Variants in IGSF1 observed in about 807,000 individuals in gnomAD.
IGSF1 encodes immunoglobulin superfamily member 1.
A neutral mutation model predicts 95.3 loss-of-function variants in IGSF1; 40 were observed. The ratio of observed to expected loss-of-function variants is 0.42; its 90% CI spans 0.33 to 0.55. The LOEUF is 0.55. Among genes scored for constraint, IGSF1 ranks in the 20% least tolerant of loss-of-function variants. The pLI is 0.10. For missense variants in IGSF1, 906 were observed against 1,025.4 expected (o/e 0.88, Z 1.59); for synonymous variants, 372 against 382.9 (o/e 0.97, Z 0.33).
intron 7 of IGSF1, 126 bp from the exon 8 acceptor site, chrX:131,282,070 C>T: frequency 1.7e-6 from 1 of 592,446 alleles, no homozygotes. Context: ...CCAGTGGCTT[C>T]AAGATTTGAC....
intron 12 of IGSF1, 39 bp downstream of exon 12, chrX:131,278,422 A>C (rs745448140): frequency 2.7e-6 from 3 of 1,109,391 alleles, no homozygotes; most frequent in Non-Finnish European, 3.6e-6. Context: ...TCCCAGGGGC[A>C]CTGGGGATAA....
At position 131,281,913 on chromosome X, in the gene IGSF1, C is replaced by T; in HGVS notation, c.1278G>A (p.Trp426Ter). Residue 426 changes from tryptophan (W) to a stop codon, truncating the protein, a stop_gained, in exon 8 of 20, where the codon TGG becomes TGA. Coordinates refer to ENST00000361420, the MANE Select transcript of IGSF1 (RefSeq NM_001555.5). LOFTEE classifies it high-confidence loss of function. ...DKPPKPSLSA[W>*]PSTVFKLGKA... is the part of the protein sequence containing the mutation. Reference sequence around the variant, plus strand: ...TTCCTAGCTTGAACACAGTGCTTGGCCAAGCTGACAGGGAGGGTTTGGGGG... The same window carrying T: ...TTCCTAGCTTGAACACAGTGCTTGGTCAAGCTGACAGGGAGGGTTTGGGGG... 1 of 1,208,449 alleles carries T rather than the reference C, an allele frequency of 8.3e-7. No individual in the cohort carries two copies. Among genetic ancestry groups the T allele is most frequent in the Non-Finnish European group, 1.1e-6 (1 of 893,239 alleles).
At chrX:131,289,110 C>T in intron 1 of IGSF1, 104 bp downstream of exon 1, 1 of 357,724 alleles carries the variant, frequency 2.8e-6, no homozygotes, top group Non-Finnish European at 5.5e-6. Context: ...TGATTTACGG[C>T]AATTAATTAC....
Position 131,285,191 on chromosome X carries a change from G to A in IGSF1, c.655C>T (p.Leu219=). The A allele has an allele frequency of 5.0e-6, 6 of 1,191,437 alleles. No individual in the cohort carries two copies. Among genetic ancestry groups the A allele is most frequent in the Non-Finnish European group, 6.8e-6 (6 of 884,201 alleles). Residue 219 remains leucine (L), a synonymous_variant, in exon 5 of 20, where the codon CTG becomes TTG. Transcript: ENST00000361420. ...TAGCCACACCCACCTGCTACAACCA[G>A]CTTCAGGGGGTTGCTGGGCTCTGAC... ...LWSEPSNPLK[L]VVAGLYPKPT...
intron 1 of IGSF1, among the ~76,000 whole-genome samples, chrX:131,288,247 A>G (rs1276776479): frequency 8.9e-6 from 1 of 112,565 alleles, no homozygotes; most frequent in Non-Finnish European, 1.9e-5. Context: ...TAATACATGT[A>G]CAGTGCCAGG....
At chrX:131,276,737 C>T (rs1300287700) in intron 14 of IGSF1, among the ~76,000 whole-genome samples, 1 of 112,009 alleles carries the variant, frequency 8.9e-6, no homozygotes, top group African/African-American at 3.2e-5. Context: ...GAATTGCTTG[C>T]CTCCCCACTG....
rs772153736 is a variant in IGSF1 at position 131,283,221 on chromosome X, G to A, written c.711C>T (p.Ile237=). Reference sequence around the variant, plus strand: ...GATTCAGGCTTTCTCCAGGTGCCATGATGGGCCCAGGATGGGCTGTCAAAG... The same window carrying A: ...GATTCAGGCTTTCTCCAGGTGCCATAATGGGCCCAGGATGGGCTGTCAAAG... ...KPTLTAHPGP[I]MAPGESLNLR... Residue 237 remains isoleucine (I), a synonymous_variant, in exon 6 of 20, where the codon ATC becomes ATT. Coordinates refer to ENST00000361420, the MANE Select transcript of IGSF1 (RefSeq NM_001555.5). 13 of 1,209,649 alleles carry A rather than the reference G, an allele frequency of 1.1e-5. No homozygotes were observed. The South Asian group carries it at 2.3e-4, about 21-fold the overall frequency.
intron 13 of IGSF1, 64 bp from the exon 14 acceptor site, chrX:131,277,290 CAAGA>C: frequency 2.0e-6 from 2 of 1,014,435 alleles, no homozygotes; most frequent in Non-Finnish European, 2.6e-6. Flanking sequence ...AAATTAAGAA[CAAGA>C]AAGAGAGAAA....
rs770012784 is a variant in IGSF1, at chrX:131,282,565, T to C, written c.1125A>G (p.Thr375=). The change falls in exon 7 of 20, where the codon ACA becomes ACG. Residue 375 remains threonine, a synonymous_variant. Transcript: ENST00000361420. ...FLDATSIDDN[T]SFFLNNVTYS... is the part of the protein sequence containing the mutation. ...AGGTTACATTGTTGAGGAAGAATGATGTGTTGTCATCGATGCTGGTGGCAT... is the reference window on the plus strand; with the variant it reads ...AGGTTACATTGTTGAGGAAGAATGACGTGTTGTCATCGATGCTGGTGGCAT... 167 of 1,208,826 alleles carry C rather than the reference T, an allele frequency of 1.4e-4. No individual in the cohort carries two copies. The highest frequency in any genetic ancestry group is 5.0e-4 in the Admixed American group (23 of 45,746).
rs747906302 is a variant in IGSF1, at chrX:131,277,062, C to G, written c.2485G>C (p.Ala829Pro). ...SSDRSWASPGASAAHFLIISV... is the reference protein window; with the variant it reads ...SSDRSWASPGPSAAHFLIISV... ...ATGATTAGAAAGTGAGCTGCACTGG[C>G]CCCCGGACTTGCCCAGGACCTGTCA... Residue 829 changes from alanine to proline, a missense_variant, in exon 14 of 20, where the codon GCC becomes CCC. By Grantham distance (27) the Ala-to-Pro change is conservative (BLOSUM62 -1). Transcript: ENST00000361420. 37 of 1,208,302 alleles carry G rather than the reference C, an allele frequency of 3.1e-5. No individual in the cohort carries two copies. Among genetic ancestry groups the G allele is most frequent in the Non-Finnish European group, 3.9e-5 (35 of 894,223 alleles).
chrX:131,275,422 A>G (rs45476797), intron 16 of IGSF1, 56 bp downstream of exon 16: 7 of 1,154,531 alleles, frequency 6.1e-6, no homozygotes, highest in Non-Finnish European at 8.2e-6. Context: ...CCCATGAACT[A>G]GTCTATTCCC....
Position 131,273,624 on chromosome X carries a change from G to A in IGSF1, c.*172C>T. 2.1e-6 allele frequency: 1 copy of A among 479,420 alleles called. No individual in the cohort carries two copies. Among genetic ancestry groups the A allele is most frequent in the Non-Finnish European group, 3.6e-6 (1 of 278,537 alleles). The allele number at this position is 479,420 out of a possible 1,213,427, so 39.5% of individuals were successfully genotyped here. ...ACAGGGGTGGGGAACCTCTCTTCAG[G>A]AAACATCTCACCCTGGCAGAGCTCT... On this transcript the variant is annotated 3_prime_UTR_variant, in exon 20 of 20. Transcript: ENST00000361420.
At chrX:131,288,500 G>T (rs2080674287) in intron 1 of IGSF1, among the ~76,000 whole-genome samples, 1 of 110,887 alleles carries the variant, frequency 9.0e-6, no homozygotes, top group African/African-American at 3.3e-5. Flanking sequence ...GGTTCAACCT[G>T]GGATTACACC....
chrX:131,284,331 C>T (rs1157369712), intron 5 of IGSF1: 2 of 170,110 alleles, frequency 1.2e-5, no homozygotes, highest in Non-Finnish European at 1.9e-5. Context: ...CAGATAGATA[C>T]TGTTATCCCA....
In IGSF1 at chrX:131,289,282, G is replaced by C. The variant is rs750548579; in HGVS notation, c.-136C>G. ...CTCCTCCAGATGCAGCAAACTGCCC[G>C]GCATGAGAAGAGCTGTCTAAGGACA... On this transcript the variant is annotated 5_prime_UTR_variant, in exon 1 of 20. Transcript: ENST00000361420. The C allele has an allele frequency of 4.5e-5, 17 of 373,729 alleles. No homozygotes were observed. Among genetic ancestry groups the C allele is most frequent in the Non-Finnish European group, 6.2e-5 (12 of 192,227 alleles). 30.8% of individuals were successfully genotyped at this position (373,729 alleles called of 1,213,427 possible). A position where few individuals can be genotyped will look rare whatever the true frequency, so the allele number is the denominator to read the frequency against.
Position 131,275,675 on chromosome X carries a change from T to C in IGSF1, c.2987A>G (p.His996Arg). The C allele has an allele frequency of 4.1e-6, 5 of 1,210,947 alleles. No homozygotes were observed. The South Asian group carries it at 5.3e-5, about 13-fold the overall frequency. Residue 996 changes from histidine (H) to arginine (R), a missense_variant, in exon 16 of 20, where the codon CAT becomes CGT. Physicochemically the swap from His to Arg is conservative, Grantham distance 29. Transcript: ENST00000361420. ...TTTGTGCAGAATGTATCCTACTCCA[T>C]GGACCGGCCCTCGGCACCAGAGAGT... ...NVTLWCRGPV[H>R]GVGYILHKEG...
chrX:131,284,642 C>G, intron 5 of IGSF1: 1 of 745,738 alleles, frequency 1.3e-6, no homozygotes, highest in African/African-American at 2.3e-5. Flanking sequence ...TGCTGCCTTA[C>G]TAGCTCTACT....
At chrX:131,277,822 G>T in intron 13 of IGSF1, 34 bp downstream of exon 13, 1 of 1,171,849 alleles carries the variant, frequency 8.5e-7, no homozygotes, top group Non-Finnish European at 1.2e-6. Flanking sequence ...CCTCCACCCT[G>T]CCCCCTTTCC....
chrX:131,279,397 G>A (rs998320457), intron 9 of IGSF1, 56 bp from the exon 10 acceptor site: 1 of 1,030,429 alleles, frequency 9.7e-7, no homozygotes, highest in African/African-American at 1.9e-5. Context: ...GGAGGGTGGA[G>A]GAAAGGGGGC....
Sources: gnomAD v4.1 joint callset for allele counts (sites outside exome capture counted in the v4.1 genomes callset) on GRCh38, gnomAD v4.1.1 for gene constraint, MANE v1.5 for transcripts, NCBI Gene and HGNC (gene_info 2026-07-23, HGNC 2026-07-21) for gene names.